MYT1L: variants seen among roughly 807,000 people sequenced by gnomAD.
The protein encoded by MYT1L is myelin transcription factor 1 like, also known as myelin transcription factor 1-like protein.
MYT1L carries 12 observed loss-of-function variants against 126.7 expected under a neutral mutation model. That is an observed-to-expected ratio of 0.09 (90% CI 0.06 to 0.15). The LOEUF is 0.15. Ranked by LOEUF, MYT1L falls within the 10% of genes least tolerant of loss-of-function variation. The probability of loss-of-function intolerance (pLI) is 1.00; values close to 1 mark genes in which losing one functional copy is unlikely to be tolerated. For synonymous variants in MYT1L, 541 were observed against 604.2 expected (o/e 0.90, Z 1.53); for missense variants, 979 against 1,585.2 (o/e 0.62, Z 6.49).
intron 2 of MYT1L, among the ~76,000 whole-genome samples, chr2:2,230,783 C>A (rs542961464): frequency 1.3e-5 from 2 of 152,322 alleles, no homozygotes; most frequent in South Asian, 4.1e-4. Flanking sequence ...CCCAGTCTTA[C>A]CTTTGATCCT....
At chr2:2,049,946 C>CGTGT (rs552109095) in intron 4 of MYT1L, among the ~76,000 whole-genome samples, 1 of 149,648 alleles carries the variant, frequency 6.7e-6, no homozygotes, top group African/African-American at 2.5e-5. Flanking sequence ...AACTTATATA[C>CGTGT]GTGTGTGTGT....
intron 2 of MYT1L, among the ~76,000 whole-genome samples, chr2:2,278,222 T>C (rs1281411467): frequency 6.6e-6 from 1 of 152,224 alleles, no homozygotes; most frequent in South Asian, 2.1e-4. Context: ...CAGCAACTCA[T>C]GTGATCTCCA....
At chr2:2,327,924 T>G (rs1301587281) in intron 1 of MYT1L, among the ~76,000 whole-genome samples, 2 of 152,200 alleles carry the variant, frequency 1.3e-5, no homozygotes, top group Non-Finnish European at 2.9e-5. Context: ...TCTTTCAGAT[T>G]GTATATTATG....
At chr2:2,247,577 A>G (rs2094558157) in intron 2 of MYT1L, among the ~76,000 whole-genome samples, 1 of 152,198 alleles carries the variant, frequency 6.6e-6, no homozygotes, top group South Asian at 2.1e-4. Flanking sequence ...CAGAATACAC[A>G]TTATTTTCTT....
chr2:2,044,859 G>A (rs2067982805), intron 4 of MYT1L, among the ~76,000 whole-genome samples: 1 of 152,196 alleles, frequency 6.6e-6, no homozygotes, highest in Admixed American at 6.5e-5. Flanking sequence ...ATTTTGGGAT[G>A]CAAGCCCTGT....
At chr2:2,009,149 G>GT (rs200666062) in intron 4 of MYT1L, among the ~76,000 whole-genome samples, 7,777 of 145,062 alleles carry the variant, frequency 0.054, 283 homozygotes, top group Non-Finnish European at 0.085. Context: ...CTTCTCAGTG[G>GT]TTTTTTTTTT....
intron 2 of MYT1L, among the ~76,000 whole-genome samples, chr2:2,212,452 T>C (rs1376082854): frequency 6.6e-6 from 1 of 152,214 alleles, no homozygotes; most frequent in African/African-American, 2.4e-5. Flanking sequence ...AAATGTTATA[T>C]ATGTAACACA....
intron 21 of MYT1L, among the ~76,000 whole-genome samples, chr2:1,821,217 T>C (rs1385317115): frequency 4.6e-5 from 7 of 152,140 alleles, no homozygotes; most frequent in Non-Finnish European, 1.0e-4. Context: ...CCTTGTTTTC[T>C]TTCTTTGGGA....
chr2:2,000,649 T>C (rs2062276619), intron 4 of MYT1L, among the ~76,000 whole-genome samples: 1 of 152,088 alleles, frequency 6.6e-6, no homozygotes, highest in Non-Finnish European at 1.5e-5. Flanking sequence ...TTATTTTGGG[T>C]TTCTTATGAA....
intron 3 of MYT1L, among the ~76,000 whole-genome samples, chr2:2,110,331 A>G (rs1374603024): frequency 6.6e-6 from 1 of 152,122 alleles, no homozygotes; most frequent in Non-Finnish European, 1.5e-5. Flanking sequence ...AGCTCCATTT[A>G]TCTGTTCCCC....
chr2:2,126,980 G>C (rs2081787263), intron 3 of MYT1L, among the ~76,000 whole-genome samples: 1 of 152,160 alleles, frequency 6.6e-6, no homozygotes, highest in Admixed American at 6.5e-5. Flanking sequence ...AAGCCTCCAG[G>C]GCTTTTCTAG....
intron 9 of MYT1L, among the ~76,000 whole-genome samples, chr2:1,939,826 T>C (rs1487906351): frequency 6.6e-6 from 1 of 152,226 alleles, no homozygotes; most frequent in African/African-American, 2.4e-5. Flanking sequence ...GTTGGCTAAA[T>C]GGGGTGTTGA....
At chr2:2,313,140 C>T (rs2096003249) in intron 1 of MYT1L, among the ~76,000 whole-genome samples, 1 of 152,104 alleles carries the variant, frequency 6.6e-6, no homozygotes, top group South Asian at 2.1e-4. Context: ...ACCTTCAATA[C>T]ATCAATTAAG....
At chr2:2,147,922 C>T (rs1312103755) in intron 3 of MYT1L, among the ~76,000 whole-genome samples, 2 of 152,222 alleles carry the variant, frequency 1.3e-5, no homozygotes, top group African/African-American at 4.8e-5. Flanking sequence ...TTGTCTTTCA[C>T]TTTCCTGCTC....
At chr2:2,145,367 G>A (rs554716410) in intron 3 of MYT1L, among the ~76,000 whole-genome samples, 47 of 152,282 alleles carry the variant, frequency 3.1e-4, no homozygotes, top group Admixed American at 6.5e-4. Context: ...GCCGTCCAGC[G>A]CTCTAACCTG....
chr2:2,134,809 C>T (rs1352093331), intron 3 of MYT1L, among the ~76,000 whole-genome samples: 2 of 152,186 alleles, frequency 1.3e-5, no homozygotes, highest in African/African-American at 4.8e-5. Flanking sequence ...TATCTCTTTC[C>T]TCGTCTGTGG....
At chr2:2,225,347 T>C (rs1243858753) in intron 2 of MYT1L, among the ~76,000 whole-genome samples, 1 of 152,124 alleles carries the variant, frequency 6.6e-6, no homozygotes, top group Non-Finnish European at 1.5e-5. Context: ...TTGGCAGGAA[T>C]GGGGATGGGA....
intron 14 of MYT1L, among the ~76,000 whole-genome samples, chr2:1,898,608 C>T (rs944423577): frequency 1.3e-5 from 2 of 152,188 alleles, no homozygotes; most frequent in African/African-American, 2.4e-5. Context: ...GCTTGCGGCC[C>T]GTGGGAAGAC....
intron 4 of MYT1L, among the ~76,000 whole-genome samples, chr2:2,004,025 T>A (rs1430327074): frequency 6.6e-6 from 1 of 151,326 alleles, no homozygotes; most frequent in Non-Finnish European, 1.5e-5. Context: ...CTGCATGCCT[T>A]CTTTCCTGCA....
Sources: allele counts gnomAD v4.1 joint callset (sites outside exome capture counted in the v4.1 genomes callset), GRCh38; gene constraint gnomAD v4.1.1; transcripts MANE v1.5; gene names NCBI Gene and HGNC (gene_info 2026-07-23, HGNC 2026-07-21).